CLIC5: variants seen among roughly 807,000 people sequenced by gnomAD.
CLIC5 encodes CLIC family member 5.
In CLIC5, 20 loss-of-function variants were observed where a neutral mutation model predicts 24.7. The observed-to-expected ratio is 0.81, with a 90% CI of 0.57 to 1.18. The LOEUF (loss-of-function observed/expected upper bound fraction) is 1.18. Ranked by LOEUF, CLIC5 falls within the 50% of genes most tolerant of loss-of-function variation. The probability of loss-of-function intolerance (pLI) is 0.00; values close to 1 mark genes in which losing one functional copy is unlikely to be tolerated. For synonymous variants in CLIC5, 159 were observed against 135.6 expected (o/e 1.17, Z -1.20); for missense variants, 341 against 326.1 (o/e 1.05, Z -0.35).
chr6:45,942,407 T>G (rs1320504362), intron 3 of CLIC5, among the ~76,000 whole-genome samples: 1 of 152,174 alleles, frequency 6.6e-6, no homozygotes, highest in South Asian at 2.1e-4. Flanking sequence ...GAGGTAAACT[T>G]GCTCATGTGG....
intron 4 of CLIC5, among the ~76,000 whole-genome samples, chr6:45,923,488 C>T (rs1362088122): frequency 6.6e-6 from 1 of 152,236 alleles, no homozygotes; most frequent in East Asian, 1.9e-4. Context: ...CACTGCAATG[C>T]TAGACTGAAA....
At chr6:45,911,753 C>G in intron 5 of CLIC5, 2 of 985,426 alleles carry the variant, frequency 2.0e-6, no homozygotes, top group Non-Finnish European at 2.4e-6. Context: ...GTCTCCAGGG[C>G]TGAACATCGT....
chr6:46,026,107 G>C (rs1767324618), intron 1 of CLIC5, among the ~76,000 whole-genome samples: 1 of 152,064 alleles, frequency 6.6e-6, no homozygotes. Context: ...TGAGCTCTTT[G>C]AGCAACATAA....
At chr6:46,067,471 G>A (rs192072918) in intron 1 of CLIC5, among the ~76,000 whole-genome samples, 221 of 152,232 alleles carry the variant, frequency 1.5e-3, no homozygotes, top group South Asian at 2.9e-3. Flanking sequence ...TGGCTTCTGT[G>A]TCTGTTGACA....
chr6:46,040,887 C>T (rs971735015), intron 1 of CLIC5, among the ~76,000 whole-genome samples: 4 of 152,084 alleles, frequency 2.6e-5, no homozygotes, highest in Non-Finnish European at 5.9e-5. Flanking sequence ...TTCTAGAAAG[C>T]AATCTACCAA....
At chr6:46,019,879 C>T (rs986231612), upstream of CLIC5, among the ~76,000 whole-genome samples, 12 of 150,986 alleles carry the variant, frequency 7.9e-5, no homozygotes, top group African/African-American at 2.9e-4. Flanking sequence ...ATAGAACAAC[C>T]TTAAATGCAT....
At chr6:46,111,979 C>T in the CLIC5 span, among the ~76,000 whole-genome samples, 19 of 118,554 alleles carry the variant, frequency 1.6e-4, no homozygotes, top group Non-Finnish European at 2.2e-4. Context: ...TCCCCAGCCA[C>T]GTGGAATTGT....
At chr6:45,986,044 A>C (rs2021685) in intron 1 of CLIC5, among the ~76,000 whole-genome samples, 88,570 of 151,440 alleles carry the variant, frequency 0.58, 26,740 homozygotes, top group East Asian at 0.84. Flanking sequence ...TGCCTGCCAC[A>C]ATCTAAGACA....
intron 5 of CLIC5, among the ~76,000 whole-genome samples, chr6:45,908,610 T>C (rs1281153893): frequency 6.6e-6 from 1 of 152,200 alleles, no homozygotes; most frequent in Non-Finnish European, 1.5e-5. Flanking sequence ...TTGATTTCTA[T>C]TTTTGTTCCA....
chr6:46,015,279 G>T (rs527828080), intron 1 of CLIC5, among the ~76,000 whole-genome samples: 1 of 152,160 alleles, frequency 6.6e-6, no homozygotes, highest in Non-Finnish European at 1.5e-5. Context: ...CCGAGAAGAC[G>T]GCCACCTGCC....
rs115341689 is a variant in CLIC5 at position 45,912,075 on chromosome 6, A to C, written c.588+2153T>G. On this transcript the variant is annotated intron_variant, in intron 5 of 5. Transcript: ENST00000339561. The stretch of plus-strand genomic sequence containing the variant: ...ACACGGAGATCTGACGTTCGCAGGG[A>C]CTTCCATGCTCATGTTCTGAATTTG... The C allele has an allele frequency of 6.1e-4, 597 of 985,910 alleles. 3 individuals are homozygous for C. In the African/African-American group the frequency reaches 9.5e-3, roughly 16 times the overall value. The allele number at this position is 985,910 out of a possible 1,614,324, so 61.1% of individuals were successfully genotyped here. A position where few individuals can be genotyped will look rare whatever the true frequency, so the allele number is the denominator to read the frequency against.
intron 1 of CLIC5, among the ~76,000 whole-genome samples, chr6:45,962,995 T>C (rs9472628): frequency 2.7e-3 from 407 of 152,350 alleles, no homozygotes; most frequent in African/African-American, 9.4e-3. Context: ...CCTTTCCAAC[T>C]CATCACCACT....
intron 1 of CLIC5, among the ~76,000 whole-genome samples, chr6:46,061,676 C>A (rs1275372005): frequency 6.6e-6 from 1 of 152,176 alleles, no homozygotes; most frequent in African/African-American, 2.4e-5. Context: ...TGGACGTGGC[C>A]ATTGGATTTT....
chr6:45,998,453 T>C (rs1353109708), intron 1 of CLIC5, among the ~76,000 whole-genome samples: 1 of 152,186 alleles, frequency 6.6e-6, no homozygotes, highest in Non-Finnish European at 1.5e-5. Context: ...AATTAGGGAA[T>C]GAGTTCTGTC....
In CLIC5 at chr6:46,015,505, T is replaced by TC; in HGVS notation, c.37dup (p.Asp13GlyfsTer50). 3 of 1,568,532 alleles carry TC rather than the reference T, an allele frequency of 1.9e-6. No homozygotes were observed. The highest frequency in any genetic ancestry group is 2.6e-6 in the Non-Finnish European group (3 of 1,158,762). On this transcript the variant is annotated frameshift_variant, in exon 1 of 6. Transcript: ENST00000339561. LOFTEE classifies it high-confidence loss of function. ...CTTCACAAAGAGCTCGATCTCGGGG[T>TC]CCCTGTCGTCCCCGTTAGCTGTCGC...
At chr6:46,035,467 T>C (rs1318064132) in intron 1 of CLIC5, among the ~76,000 whole-genome samples, 1 of 152,232 alleles carries the variant, frequency 6.6e-6, no homozygotes, top group Non-Finnish European at 1.5e-5. Context: ...TAACTCTGCC[T>C]GAACTTCCCT....
intron 1 of CLIC5, among the ~76,000 whole-genome samples, chr6:46,029,029 C>T (rs915853211): frequency 6.6e-6 from 1 of 152,090 alleles, no homozygotes; most frequent in East Asian, 1.9e-4. Context: ...TCCATAGTTT[C>T]GCTTTCCCAG....
chr6:45,964,356 T>A (rs1318688216), intron 1 of CLIC5, among the ~76,000 whole-genome samples: 1 of 152,218 alleles, frequency 6.6e-6, no homozygotes, highest in Non-Finnish European at 1.5e-5. Context: ...TTCATAACCT[T>A]TCCACAGCCC....
At chr6:45,895,048 T>A (rs1215534483), downstream of CLIC5, among the ~76,000 whole-genome samples, 1 of 152,150 alleles carries the variant, frequency 6.6e-6, no homozygotes, top group Non-Finnish European at 1.5e-5. Context: ...TATATTCCTA[T>A]CTCACTAGAA....
Sources: allele counts gnomAD v4.1 joint callset (sites outside exome capture counted in the v4.1 genomes callset), GRCh38; gene constraint gnomAD v4.1.1; transcripts MANE v1.5; gene names NCBI Gene and HGNC (gene_info 2026-07-23, HGNC 2026-07-21).